CRMP1: variants seen among roughly 807,000 people sequenced by gnomAD.
CRMP1 encodes the protein collapsin response mediator protein 1.
A neutral mutation model predicts 68.3 loss-of-function variants in CRMP1; 19 were observed. The ratio of observed to expected loss-of-function variants is 0.28; its 90% confidence interval spans 0.19 to 0.41. The LOEUF (loss-of-function observed/expected upper bound fraction) is 0.41, where lower values mean the gene tolerates loss of function less well. Among genes scored for constraint, CRMP1 ranks in the 10% least tolerant of loss-of-function variants. CRMP1 has a pLI of 1.00. For synonymous variants in CRMP1, 439 were observed against 399.6 expected (o/e 1.10, Z -1.18); for missense variants, 791 against 967.4 (o/e 0.82, Z 2.42).
Position 5,854,203 on chromosome 4 carries a change from C to T in CRMP1, c.820+1940G>A, listed in dbSNP as rs1712871120. ...CTGTCAATTTCCTTGGATTATGACT[C>T]TGTTATGTAGTTGCAGTGAATCACG... is the stretch of plus-strand genomic sequence containing the variant. On this transcript the variant is annotated intron_variant, in intron 4 of 13. Transcript: ENST00000324989. The surrounding 1 kb of genome is among the most constrained non-coding windows in gnomAD (Gnocchi z 4.0). Among the ~76,000 whole-genome samples, 1 of 151,568 alleles carries T rather than the reference C, an allele frequency of 6.6e-6. No individual in the cohort carries two copies. The highest frequency in any genetic ancestry group is 2.4e-5 in the African/African-American group (1 of 40,870).
chr4:5,852,867 G>C (rs939746153), intron 4 of CRMP1, among the ~76,000 whole-genome samples: 4 of 152,150 alleles, frequency 2.6e-5, no homozygotes, highest in Admixed American at 2.6e-4. Flanking sequence ...AGCTCAGCAC[G>C]AACAGGAGAA....
chr4:5,828,215 T>G, intron 12 of CRMP1: 1 of 985,342 alleles, frequency 1.0e-6, no homozygotes, highest in Admixed American at 6.1e-5. Context: ...CAGAGCAGCT[T>G]GGTAAGCGTC....
intron 9 of CRMP1, among the ~76,000 whole-genome samples, chr4:5,837,683 A>T (rs1051329252): frequency 1.7e-3 from 252 of 148,942 alleles, no homozygotes; most frequent in Non-Finnish European, 3.1e-3. Flanking sequence ...TAAAATAAAT[A>T]AAATAAAATA....
intron 1 of CRMP1, chr4:5,887,427 G>C (rs1032735469): frequency 3.0e-6 from 3 of 985,370 alleles, no homozygotes; most frequent in Middle Eastern, 5.2e-4. Flanking sequence ...GAACAGTCAG[G>C]CTCCACGCTG....
At position 5,850,261 on chromosome 4, in the gene CRMP1, G is replaced by A. The variant is rs1347382672; in HGVS notation, c.883-789C>T. On this transcript the variant is annotated intron_variant, in intron 5 of 13. Transcript: ENST00000324989. The surrounding 1 kb of genome is among the most constrained non-coding windows in gnomAD (Gnocchi z 4.4). ...TAGGGAAGGCATGTGGAGGCATGAAGCACTTTTGAGAACCTGCACGCAGAG... is the reference window on the plus strand; with the variant it reads ...TAGGGAAGGCATGTGGAGGCATGAAACACTTTTGAGAACCTGCACGCAGAG... Among the ~76,000 whole-genome samples, 1 of 152,228 alleles carries A rather than the reference G, an allele frequency of 6.6e-6. No individual in the cohort carries two copies. The highest frequency in any genetic ancestry group is 6.5e-5 in the Admixed American group (1 of 15,286).
chr4:5,824,632 A>G (rs934126402), intron 13 of CRMP1: 1 of 954,968 alleles, frequency 1.0e-6, no homozygotes, highest in Non-Finnish European at 1.2e-6. Context: ...TAGTTTGTAC[A>G]TTTTCAAATG....
In CRMP1 at chr4:5,842,584, ACTCACACACTCTCT is replaced by A. The variant is rs983462842; in HGVS notation, c.1032+495_1032+508del. On this transcript the variant is annotated intron_variant, in intron 7 of 13. Transcript: ENST00000324989. The surrounding 1 kb of genome is among the most constrained non-coding windows in gnomAD (Gnocchi z 4.5). Reference sequence around the variant, plus strand: ...TGCAGGTGCATGCACATGCACCCACACTCACACACTCTCTCACACACACACACACACACTCACTC... The same window carrying A: ...TGCAGGTGCATGCACATGCACCCACACACACACACACACACACACTCACTC... Among the ~76,000 whole-genome samples the A allele has an allele frequency of 5.1e-5, 7 of 136,438 alleles. No individual in the cohort carries two copies. Among genetic ancestry groups the A allele is most frequent in the Non-Finnish European group, 8.0e-5 (5 of 62,782 alleles). The allele number at this position is 136,438 out of a possible 152,430, so 89.5% of individuals were successfully genotyped here.
At chr4:5,857,312 A>C (rs557017602) in intron 3 of CRMP1, among the ~76,000 whole-genome samples, 1 of 150,948 alleles carries the variant, frequency 6.6e-6, no homozygotes, top group Non-Finnish European at 1.5e-5. Context: ...TCCTATCACC[A>C]TCATCATCAT....
rs1269723923 is a variant in CRMP1, at chr4:5,872,898, C to T, written c.382-6142G>A. Among the ~76,000 whole-genome samples, 1 of 152,176 alleles carries T rather than the reference C, an allele frequency of 6.6e-6. No homozygotes were observed. Among genetic ancestry groups the T allele is most frequent in the Non-Finnish European group, 1.5e-5 (1 of 68,042 alleles). On this transcript the variant is annotated intron_variant, in intron 1 of 13. Transcript: ENST00000324989. This position sits in a 1 kb window ranked among gnomAD's most constrained non-coding sequence, Gnocchi z 4.6. ...ACTCAGACAGAGGTGGGCTTGGATC[C>T]TGACTTCACTTATTATCCATGTGAC...
rs76917006 is a variant in CRMP1 at position 5,882,044 on chromosome 4, C to T, written c.381+10545G>A. On this transcript the variant is annotated intron_variant, in intron 1 of 13. Coordinates refer to ENST00000324989, the MANE Select transcript of CRMP1 (RefSeq NM_001014809.3). ...TTTTCTTCCAAACCCAATCGCTGTG[C>T]TTCCTGACCACCTCATTATCAGCTT... 4.4e-3 allele frequency among the ~76,000 whole-genome samples: 668 copies of T among 152,288 alleles called. 6 individuals are homozygous for T. The highest frequency in any genetic ancestry group is 0.012 in the African/African-American group (485 of 41,558).
chr4:5,892,098 G>A lies in CRMP1; in HGVS notation c.381+491C>T, dbSNP rs1297198618. Reference sequence around the variant, plus strand: ...AAAGCTCCTTCCAGCTTTAAGCTGTGTGGCCGCAGGCGACTCGCGGAACCT... The same window carrying A: ...AAAGCTCCTTCCAGCTTTAAGCTGTATGGCCGCAGGCGACTCGCGGAACCT... On this transcript the variant is annotated intron_variant, in intron 1 of 13. Transcript: ENST00000324989. The surrounding 1 kb of genome is among the most constrained non-coding windows in gnomAD (Gnocchi z 8.6). Among the ~76,000 whole-genome samples the A allele has an allele frequency of 1.3e-5, 2 of 152,204 alleles. No individual in the cohort carries two copies. Among genetic ancestry groups the A allele is most frequent in the African/African-American group, 4.8e-5 (2 of 41,456 alleles).
At chr4:5,875,398 GA>G (rs10561614) in intron 1 of CRMP1, among the ~76,000 whole-genome samples, 28,704 of 137,152 alleles carry the variant, frequency 0.21, 2,709 homozygotes, top group African/African-American at 0.29. Flanking sequence ...CTAGATTTTA[GA>G]AAAAAAAAAA....
chr4:5,857,024 T>TTATCACCACCACCAC (rs1713161563), intron 3 of CRMP1, among the ~76,000 whole-genome samples: 1 of 14,838 alleles, frequency 6.7e-5, no homozygotes, highest in Non-Finnish European at 1.5e-4. Flanking sequence ...CCATCTGCTA[T>TTATCACCACCACCAC]CATCACCACC....
chr4:5,834,957 G>A lies in CRMP1; in HGVS notation c.1623+958C>T, dbSNP rs1577755402. Reference sequence around the variant, plus strand: ...CTGTGGCAGCCAATGGATACTCCAGGGCCATGGCCGTGAGCTGCTACAAGT... The same window carrying A: ...CTGTGGCAGCCAATGGATACTCCAGAGCCATGGCCGTGAGCTGCTACAAGT... On this transcript the variant is annotated intron_variant, in intron 11 of 13. Transcript: ENST00000324989. This position sits in a 1 kb window ranked among gnomAD's most constrained non-coding sequence, Gnocchi z 4.3. Among the ~76,000 whole-genome samples the A allele has an allele frequency of 1.3e-5, 2 of 152,114 alleles. No homozygotes were observed. The highest frequency in any genetic ancestry group is 3.9e-4 in the East Asian group (2 of 5,186).
At chr4:5,828,036 A>T in intron 12 of CRMP1, 1 of 985,390 alleles carries the variant, frequency 1.0e-6, no homozygotes, top group Non-Finnish European at 1.2e-6. Context: ...ATCTGAAGGA[A>T]GCCCTGCCTG....
At chr4:5,885,792 T>G (rs1715543305) in intron 1 of CRMP1, among the ~76,000 whole-genome samples, 1 of 152,186 alleles carries the variant, frequency 6.6e-6, no homozygotes, top group East Asian at 1.9e-4. Context: ...ATTCATCTCC[T>G]TCCCACTCTT....
chr4:5,825,890 TAC>T lies in CRMP1; in HGVS notation c.1804-233_1804-232del. The T allele has an allele frequency of 1.9e-6, 1 of 538,878 alleles. No individual in the cohort carries two copies. The allele number at this position is 538,878 out of a possible 1,614,324, so 33.4% of individuals were successfully genotyped here. On this transcript the variant is annotated intron_variant, in intron 12 of 13. Coordinates refer to ENST00000324989, the MANE Select transcript of CRMP1 (RefSeq NM_001014809.3). This position sits in a 1 kb window ranked among gnomAD's most constrained non-coding sequence, Gnocchi z 4.4. ...ACACACATCTACATACCCACATGCA[TAC>T]ACATACAGACGCACACACCACGCAC...
intron 6 of CRMP1, among the ~76,000 whole-genome samples, chr4:5,844,621 G>GA (rs1712044355): frequency 6.6e-6 from 1 of 152,236 alleles, no homozygotes; most frequent in African/African-American, 2.4e-5. Flanking sequence ...TTGAAAGCTG[G>GA]AAAGCAGATG....
At chr4:5,832,669 A>T (rs1415043666) in intron 11 of CRMP1, among the ~76,000 whole-genome samples, 3 of 152,194 alleles carry the variant, frequency 2.0e-5, no homozygotes, top group Admixed American at 2.0e-4. Context: ...ACCTCACGGA[A>T]TCCTCAACTG....
Sources: allele counts gnomAD v4.1 joint callset (sites outside exome capture counted in the v4.1 genomes callset), GRCh38; gene constraint gnomAD v4.1.1; non-coding constraint Gnocchi (gnomAD v3.1); transcripts MANE v1.5; gene names NCBI Gene and HGNC (gene_info 2026-07-23, HGNC 2026-07-21).